The following FREM1 variants were observed in gnomAD, a reference collection of about 807,000 sequenced individuals.
The protein encoded by FREM1 is FRAS1 related extracellular matrix 1.
A neutral mutation model predicts 210.1 loss-of-function variants in FREM1; 220 were observed. The observed-to-expected ratio is 1.05, with a 90% CI of 0.94 to 1.17. FREM1 has a LOEUF of 1.17. Ranked by LOEUF, FREM1 falls within the 50% of genes most tolerant of loss-of-function variation. The pLI, the probability that FREM1 is intolerant of heterozygous loss-of-function variation, is 0.00. For missense variants in FREM1, 3,454 were observed against 2,675.5 expected (o/e 1.29, Z -6.42); for synonymous variants, 1,189 against 980.2 (o/e 1.21, Z -3.98).
intron 23 of FREM1, among the ~76,000 whole-genome samples, chr9:14,788,462 CAA>C (rs1423546311): frequency 6.6e-6 from 1 of 152,162 alleles, no homozygotes; most frequent in Non-Finnish European, 1.5e-5. Context: ...TTTCTAATGA[CAA>C]AGTTTATCTT....
Position 14,789,066 on chromosome 9 carries a change from C to T in FREM1, c.4030G>A (p.Glu1344Lys), listed in dbSNP as rs1482605373. The change falls in exon 23 of 37, where the codon GAG (glutamate) becomes AAG (lysine). Residue 1344 changes from glutamate to lysine, a missense_variant. Transcript: ENST00000380880. Reference protein sequence around the residue: ...PLSPGMKCTQEEVDLNLLRYT... With the variant: ...PLSPGMKCTQKEVDLNLLRYT... ...CTCAGCAAGTTCAGATCCACTTCCT[C>T]CTGAGTGCATTTCATGCCAGGGGAG... 3 of 1,607,166 alleles carry T rather than the reference C, an allele frequency of 1.9e-6. No homozygotes were observed. The highest frequency in any genetic ancestry group is 1.1e-5 in the South Asian group (1 of 89,454).
chr9:14,784,348 G>C, intron 24 of FREM1, 22 bp downstream of exon 24: 1 of 1,604,670 alleles, frequency 6.2e-7, no homozygotes, highest in Non-Finnish European at 8.5e-7. Context: ...GAAGGGGTTT[G>C]AAAAGTTTCC....
In FREM1 at chr9:14,859,540, C is replaced by G. The variant is rs1829423352; in HGVS notation, c.330-56G>C. 45 of 1,412,342 alleles carry G rather than the reference C, an allele frequency of 3.2e-5. 1 individual carries two copies. The South Asian group carries it at 5.8e-4, about 18-fold the overall frequency. The allele number at this position is 1,412,342 out of a possible 1,614,324, so 87.5% of individuals were successfully genotyped here. The stretch of plus-strand genomic sequence containing the variant: ...AATTGGTGCTCAGGTATTTCTGATA[C>G]CCATGTACTCAGCTGGAAGACTAAA... On this transcript the variant is annotated intron_variant, in intron 3 of 36. Transcript: ENST00000380880.
At chr9:14,765,272 T>G (rs529889797) in intron 27 of FREM1, among the ~76,000 whole-genome samples, 1 of 152,310 alleles carries the variant, frequency 6.6e-6, no homozygotes, top group East Asian at 1.9e-4. Flanking sequence ...CTCTTGATAA[T>G]GGGGAAACAG....
intron 1 of FREM1, among the ~76,000 whole-genome samples, chr9:14,896,745 C>T (rs541518899): frequency 2.0e-4 from 31 of 152,234 alleles, no homozygotes; most frequent in East Asian, 5.8e-4. Flanking sequence ...GAATGGTATT[C>T]GCTGTGATAG....
In FREM1 at chr9:14,860,846, T is replaced by C. The variant is rs538424455; in HGVS notation, c.330-1362A>G. Among the ~76,000 whole-genome samples, 73 of 96,956 alleles carry C rather than the reference T, an allele frequency of 7.5e-4. 9 individuals are homozygous for C. The South Asian group carries it at 0.012, about 17-fold the overall frequency. The allele number at this position is 96,956 out of a possible 152,430, so 63.6% of individuals were successfully genotyped here. A position where few individuals can be genotyped will look rare whatever the true frequency, so the allele number is the denominator to read the frequency against. ...ATATACATATATACGTATATATACA[T>C]ATATACGTATATATACACATATATA... On this transcript the variant is annotated intron_variant, in intron 3 of 36. Transcript: ENST00000380880.
In FREM1 at chr9:14,859,272, C is replaced by G; in HGVS notation, c.542G>C (p.Arg181Pro). Residue 181 changes from arginine (R) to proline (P), a missense_variant, in exon 4 of 37, where the codon CGG becomes CCG. Arg to Pro is a moderately radical substitution (Grantham distance 103). Coordinates refer to ENST00000380880, the MANE Select transcript of FREM1 (RefSeq NM_001379081.2). ...AACCATCTGGCCATGGGCTGGCAGCCGAGTTCTCGCAGTGTCCAGGCTGAC... is the reference window on the plus strand; with the variant it reads ...AACCATCTGGCCATGGGCTGGCAGCGGAGTTCTCGCAGTGTCCAGGCTGAC... ...CTVSLDTART[R>P]LPAHGQMVLG... 6.2e-7 allele frequency: 1 copy of G among 1,613,734 alleles called. No individual in the cohort carries two copies. The highest frequency in any genetic ancestry group is 8.5e-7 in the Non-Finnish European group (1 of 1,179,758).
At position 14,846,104 on chromosome 9, in the gene FREM1, G is replaced by T; in HGVS notation, c.1262-13C>A. ...AGGAGACTCAGACCTATGAAAGAAA[G>T]GAGAAAAGGGTGTTGGTATCATAGA... On this transcript the variant is annotated splice_polypyrimidine_tract_variant and intron_variant, in intron 7 of 36. Coordinates refer to ENST00000380880, the MANE Select transcript of FREM1 (RefSeq NM_001379081.2). 6.4e-7 allele frequency: 1 copy of T among 1,555,044 alleles called. No homozygotes were observed.
At chr9:14,861,202 C>CAT (rs1270004884) in intron 3 of FREM1, among the ~76,000 whole-genome samples, 1 of 97,180 alleles carries the variant, frequency 1.0e-5, no homozygotes, top group African/African-American at 6.0e-5. Context: ...TACATATATA[C>CAT]ACACATATAC....
At chr9:14,851,197 C>T (rs1827676123) in intron 6 of FREM1, 87 bp downstream of exon 6, 1 of 957,150 alleles carries the variant, frequency 1.0e-6, no homozygotes, top group East Asian at 2.4e-5. Flanking sequence ...AATGAATGTA[C>T]AAAGGAACCT....
At chr9:14,861,332 TATATAC>T in intron 3 of FREM1, among the ~76,000 whole-genome samples, 1 of 125,968 alleles carries the variant, frequency 7.9e-6, no homozygotes, top group African/African-American at 3.5e-5. Context: ...CATATATACA[TATATAC>T]ACATATATAT....
chr9:14,801,245 G>T (rs1426952060), intron 20 of FREM1, among the ~76,000 whole-genome samples: 1 of 152,180 alleles, frequency 6.6e-6, no homozygotes, highest in African/African-American at 2.4e-5. Flanking sequence ...TGATCCACCT[G>T]TCTTCGTCTC....
intron 25 of FREM1, chr9:14,774,182 T>C (rs753063885): frequency 1.9e-6 from 1 of 515,656 alleles, no homozygotes; most frequent in African/African-American, 1.9e-5. Context: ...TCTCAAGACT[T>C]CCCTCATAGA....
chr9:14,783,788 C>T lies in FREM1; in HGVS notation c.4442+582G>A, dbSNP rs140156126. On this transcript the variant is annotated intron_variant, in intron 24 of 36. Transcript: ENST00000380880. Reference sequence around the variant, plus strand: ...TTGATACGGAATTCTGGAACAGGTGCGCAGCCCCCAATTACAACATTGTTT... The same window carrying T: ...TTGATACGGAATTCTGGAACAGGTGTGCAGCCCCCAATTACAACATTGTTT... Among the ~76,000 whole-genome samples, 77 of 152,268 alleles carry T rather than the reference C, an allele frequency of 5.1e-4. No homozygotes were observed. The East Asian group carries it at 0.014, about 27-fold the overall frequency.
At chr9:14,874,111 G>T (rs1484461314) in intron 1 of FREM1, among the ~76,000 whole-genome samples, 1 of 152,156 alleles carries the variant, frequency 6.6e-6, no homozygotes, top group East Asian at 1.9e-4. Flanking sequence ...TTTGGAATAG[G>T]TGTGGTGTGG....
intron 27 of FREM1, among the ~76,000 whole-genome samples, chr9:14,765,501 C>T (rs1414188920): frequency 6.6e-6 from 1 of 152,194 alleles, no homozygotes; most frequent in African/African-American, 2.4e-5. Context: ...CACCTGTACA[C>T]AGTGGGTGCC....
At chr9:14,844,445 G>C (rs1826240541) in intron 8 of FREM1, among the ~76,000 whole-genome samples, 1 of 152,018 alleles carries the variant, frequency 6.6e-6, no homozygotes, top group Admixed American at 6.6e-5. Context: ...GGCTGGTCTT[G>C]AACTCCTGAC....
At chr9:14,907,174 TCAAA>T (rs1402484337) in intron 1 of FREM1, among the ~76,000 whole-genome samples, 2 of 151,772 alleles carry the variant, frequency 1.3e-5, no homozygotes, top group African/African-American at 4.9e-5. Context: ...AGTTTTCCAC[TCAAA>T]CATATTATCT....
At chr9:14,850,045 A>C (rs1827395311) in intron 6 of FREM1, among the ~76,000 whole-genome samples, 1 of 152,186 alleles carries the variant, frequency 6.6e-6, no homozygotes, top group African/African-American at 2.4e-5. Context: ...ATTACAATAG[A>C]GATAACCCCA....
Sources: allele counts gnomAD v4.1 joint callset (sites outside exome capture counted in the v4.1 genomes callset), GRCh38; gene constraint gnomAD v4.1.1; transcripts MANE v1.5; gene names NCBI Gene and HGNC (gene_info 2026-07-23, HGNC 2026-07-21).